The following PAX4 variants were observed in gnomAD, a reference collection of about 807,000 sequenced individuals.
PAX4 encodes paired box 4, also known as paired box protein Pax-4.
PAX4 carries 33 observed loss-of-function variants against 40.6 expected under a neutral mutation model. The observed-to-expected ratio is 0.81, with a 90% CI of 0.62 to 1.09. The LOEUF (loss-of-function observed/expected upper bound fraction) is 1.09, where lower values mean the gene tolerates loss of function less well. Ranked by LOEUF, PAX4 falls within the 50% of genes least tolerant of loss-of-function variation. The probability of loss-of-function intolerance (pLI) is 0.00; values close to 1 mark genes in which losing one functional copy is unlikely to be tolerated. For missense variants in PAX4, 459 were observed against 442.5 expected, an observed-to-expected ratio of 1.04 and a Z score of -0.33; for synonymous variants, 174 against 170.6, an observed-to-expected ratio of 1.02 and a Z score of -0.16.
Position 127,614,022 on chromosome 7 carries a change from T to G in PAX4, c.437-141A>C, listed in dbSNP as rs1794681996. The stretch of plus-strand genomic sequence containing the variant: ...CAAGCTGGTGGGGCATTCATAGTTA[T>G]TAGAGGTCACTGCAGGGTCACTTGG... On this transcript the variant is annotated intron_variant, in intron 6 of 11. Transcript: ENST00000639438. 3 of 968,658 alleles carry G rather than the reference T, an allele frequency of 3.1e-6. No homozygotes were observed. The East Asian group carries it at 7.8e-5, about 25-fold the overall frequency. 60.0% of individuals were successfully genotyped at this position (968,658 alleles called of 1,614,324 possible). A position where few individuals can be genotyped will look rare whatever the true frequency, so the allele number is the denominator to read the frequency against.
Position 127,615,915 on chromosome 7 carries a change from C to T in PAX4, c.13+1G>A. ...CTTCCCACTTCCCCCAGGCTCCTCA[C>T]CGTCCTGATGCATGCTCCAGGCTGA... On this transcript the variant is annotated splice_donor_variant, in intron 3 of 11. Coordinates refer to ENST00000639438, the MANE Select transcript of PAX4 (RefSeq NM_001366110.1). LOFTEE classifies it high-confidence loss of function. The T allele has an allele frequency of 6.5e-7, 1 of 1,536,158 alleles. No individual in the cohort carries two copies. The highest frequency in any genetic ancestry group is 1.2e-5 in the South Asian group (1 of 84,060).
chr7:127,613,419 T>C, intron 8 of PAX4, 31 bp downstream of exon 8: 2 of 1,603,828 alleles, frequency 1.2e-6, no homozygotes, highest in Non-Finnish European at 1.7e-6. Context: ...TTCCTCCTTG[T>C]GGTTTGTACA....
chr7:127,611,844 G>A (rs1794630745), intron 10 of PAX4, 101 bp downstream of exon 10: 3 of 1,596,480 alleles, frequency 1.9e-6, no homozygotes. Context: ...GAACACTGTG[G>A]GGCCCTGGAG....
At chr7:127,615,727 T>C in intron 3 of PAX4, 189 bp downstream of exon 3, 2 of 1,502,696 alleles carry the variant, frequency 1.3e-6, no homozygotes, top group Middle Eastern at 1.8e-4. Flanking sequence ...TGAGTCTTTG[T>C]TCCTTGCCCA....
At position 127,617,390 on chromosome 7, in the gene PAX4, C is replaced by A. The variant is rs548291523; in HGVS notation, c.-215G>T. On this transcript the variant is annotated 5_prime_UTR_variant, in exon 2 of 12. Coordinates refer to ENST00000639438, the MANE Select transcript of PAX4 (RefSeq NM_001366110.1). ...ACTGAGGCACAGATTGGCATTGCCA[C>A]AAGTCAGGGGCTGTCCAGAGAGTAA... The A allele has an allele frequency of 1.3e-5, 2 of 152,148 alleles. No homozygotes were observed. Among genetic ancestry groups the A allele is most frequent in the African/African-American group, 2.4e-5 (1 of 41,422 alleles). 9.4% of individuals were successfully genotyped at this position (152,148 alleles called of 1,614,324 possible). A position where few individuals can be genotyped will look rare whatever the true frequency, so the allele number is the denominator to read the frequency against.
At chr7:127,611,432 G>C in intron 11 of PAX4, 103 bp downstream of exon 11, 1 of 1,593,690 alleles carries the variant, frequency 6.3e-7, no homozygotes, top group Non-Finnish European at 8.6e-7. Flanking sequence ...GCTGTATTGA[G>C]ATTCCTTTGA....
chr7:127,613,650 G>T, intron 7 of PAX4, 106 bp downstream of exon 7: 1 of 1,503,660 alleles, frequency 6.7e-7, no homozygotes, highest in South Asian at 1.1e-5. Context: ...CTCAAGGCAG[G>T]GCCACTCACA....
At chr7:127,616,305 A>G (rs1377940795) in intron 2 of PAX4, among the ~76,000 whole-genome samples, 2 of 152,100 alleles carry the variant, frequency 1.3e-5, no homozygotes, top group Non-Finnish European at 2.9e-5. Flanking sequence ...GGGAGGTAGA[A>G]AGGGATAATG....
chr7:127,613,567 G>A lies in PAX4; in HGVS notation c.563-35C>T, dbSNP rs200387507. 3.0e-5 allele frequency: 49 copies of A among 1,608,802 alleles called. 1 individual carries two copies. Among genetic ancestry groups the A allele is most frequent in the Admixed American group, 2.3e-4 (14 of 60,016 alleles). ...TCGAGTCTCACAAAGTAAGGGCACCGGGAGAGGAGCAAGGCATGGGTCTCC... is the reference window on the plus strand; with the variant it reads ...TCGAGTCTCACAAAGTAAGGGCACCAGGAGAGGAGCAAGGCATGGGTCTCC... On this transcript the variant is annotated intron_variant, in intron 7 of 11. Transcript: ENST00000639438.
chr7:127,612,567 A>C (rs966161571), intron 9 of PAX4, among the ~76,000 whole-genome samples: 13 of 149,872 alleles, frequency 8.7e-5, no homozygotes, highest in African/African-American at 2.2e-4. Flanking sequence ...GGCTGGCTGG[A>C]TGGATGGATA....
rs1384558797 is a variant in PAX4, at chr7:127,615,726, G to T, written c.13+190C>A. ...AGAGCTGGCTCACGGGTGAGTCTTT[G>T]TTCCTTGCCCATACCCGCCAACTCT... On this transcript the variant is annotated intron_variant, in intron 3 of 11. Transcript: ENST00000639438. 3.3e-6 allele frequency: 5 copies of T among 1,503,326 alleles called. No homozygotes were observed. The African/African-American group carries it at 6.9e-5, about 21-fold the overall frequency. 93.1% of individuals were successfully genotyped at this position (1,503,326 alleles called of 1,614,324 possible).
Position 127,614,505 on chromosome 7 carries a change from G to C in PAX4, c.413C>G (p.Pro138Arg). The C allele has an allele frequency of 6.3e-7, 1 of 1,596,562 alleles. No individual in the cohort carries two copies. ...ACCTGGTGACCTGAGCCGTGTGCAC[G>C]GTAGTCCCTGGTCCTCCTGTAATGC... ...LRALQEDQGL[P>R]CTRLRSPAVL... The change falls in exon 6 of 12, where the codon CCG (proline) becomes CGG (arginine). Residue 138 changes from proline (P) to arginine (R), a missense_variant. Pro to Arg is a moderately radical substitution (Grantham distance 103). Coordinates refer to ENST00000639438, the MANE Select transcript of PAX4 (RefSeq NM_001366110.1).
chr7:127,611,476 G>A (rs1794624128), intron 11 of PAX4, 59 bp downstream of exon 11: 1 of 1,611,606 alleles, frequency 6.2e-7, no homozygotes. Context: ...CCTCCTGGAG[G>A]TTGAGTCAGT....
At chr7:127,612,300 G>A (rs1401203838) in intron 9 of PAX4, among the ~76,000 whole-genome samples, 1 of 152,232 alleles carries the variant, frequency 6.6e-6, no homozygotes, top group Non-Finnish European at 1.5e-5. Context: ...GAGATGCTGA[G>A]TAAATATTGG....
intron 1 of PAX4, among the ~76,000 whole-genome samples, chr7:127,617,692 C>T (rs1253804536): frequency 6.6e-6 from 1 of 152,284 alleles, no homozygotes; most frequent in East Asian, 1.9e-4. Flanking sequence ...AGTATCCAAA[C>T]CTAAATAATC....
intron 6 of PAX4, 106 bp downstream of exon 6, chr7:127,614,376 G>T: frequency 2.3e-6 from 2 of 868,234 alleles, no homozygotes; most frequent in Non-Finnish European, 3.8e-6. Context: ...CCTCCTTATT[G>T]GGTTGTTGTG....
chr7:127,613,955 T>G, intron 6 of PAX4, 74 bp from the exon 7 acceptor site: 2 of 1,571,208 alleles, frequency 1.3e-6, no homozygotes, highest in Non-Finnish European at 1.7e-6. Context: ...CCTGAGTCTC[T>G]GGGGCTGCAG....
At position 127,611,651 on chromosome 7, in the gene PAX4, G is replaced by T. The variant is rs1347511047; in HGVS notation, c.797C>A (p.Ala266Glu). ...CAGTGGTTCCAGGGCAGGCAGGGCT[G>T]CTGTGGGCACACTGCCAGGGGACTG... ...AQQSPGSVPT[A>E]ALPALEPLGP... Residue 266 changes from alanine to glutamate, a missense_variant, in exon 11 of 12, where the codon GCA (alanine) becomes GAA (glutamate). Transcript: ENST00000639438. 1.2e-6 allele frequency: 2 copies of T among 1,613,070 alleles called. No homozygotes were observed. The highest frequency in any genetic ancestry group is 8.5e-7 in the Non-Finnish European group (1 of 1,179,944).
rs764124826 is a variant in PAX4 at position 127,615,028 on chromosome 7, C to A, written c.212G>T (p.Gly71Val). ...YYRTGVLEPK[G>V]IGGSKPRLAT... Reference sequence around the variant, plus strand: ...CAGCCGTGGCTTGCTTCCCCCAATGCCCTTTGGCTCCAAGACACCTGTGCG... The same window carrying A: ...CAGCCGTGGCTTGCTTCCCCCAATGACCTTTGGCTCCAAGACACCTGTGCG... The change falls in exon 5 of 12, where the codon GGC becomes GTC. Residue 71 changes from glycine (G) to valine (V), a missense_variant. Transcript: ENST00000639438. The A allele has an allele frequency of 1.2e-6, 2 of 1,614,216 alleles. No individual in the cohort carries two copies. The highest frequency in any genetic ancestry group is 1.7e-6 in the Non-Finnish European group (2 of 1,180,042).
Sources: allele counts gnomAD v4.1 joint callset (sites outside exome capture counted in the v4.1 genomes callset), GRCh38; gene constraint gnomAD v4.1.1; transcripts MANE v1.5; gene names NCBI Gene and HGNC (gene_info 2026-07-23, HGNC 2026-07-21).